The following KMT2C variants were observed in gnomAD, a reference collection of about 807,000 sequenced individuals.
The protein encoded by KMT2C is histone-lysine N-methyltransferase 2C.
KMT2C carries 88 observed loss-of-function variants against 507.9 expected under a neutral mutation model. That is an observed-to-expected ratio of 0.17 (90% CI 0.15 to 0.21). The LOEUF (loss-of-function observed/expected upper bound fraction) is 0.21, where lower values mean the gene tolerates loss of function less well. Among genes scored for constraint, KMT2C ranks in the 10% least tolerant of loss-of-function variants. KMT2C has a pLI of 1.00. For synonymous variants in KMT2C, 2,049 were observed against 2,080.8 expected, an observed-to-expected ratio of 0.98 and a Z score of 0.42; for missense variants, 4,954 against 5,957.8, an observed-to-expected ratio of 0.83 and a Z score of 5.55.
At chr7:152,416,602 T>C (rs1362904836) in intron 1 of KMT2C, among the ~76,000 whole-genome samples, 1 of 150,652 alleles carries the variant, frequency 6.6e-6, no homozygotes, top group Non-Finnish European at 1.5e-5. Context: ...AGCGCGCCTG[T>C]AATCCCAGCT....
rs540311328 is a variant in KMT2C at position 152,367,151 on chromosome 7, C to T, written c.162-8476G>A. The T allele has an allele frequency of 7.2e-5, 95 of 1,317,044 alleles. No homozygotes were observed. The African/African-American group carries it at 1.4e-3, about 20-fold the overall frequency. The allele number at this position is 1,317,044 out of a possible 1,614,324, so 81.6% of individuals were successfully genotyped here. ...TCCTAGAAATCTAGCACTGGAGAAACGAGGAAAATTCTTCCAAGGATGGTC... is the reference window on the plus strand; with the variant it reads ...TCCTAGAAATCTAGCACTGGAGAAATGAGGAAAATTCTTCCAAGGATGGTC... On this transcript the variant is annotated intron_variant, in intron 1 of 58. Transcript: ENST00000262189.
chr7:152,139,626 G>C (rs867035179), intron 56 of KMT2C, 49 bp downstream of exon 56: 1 of 1,249,046 alleles, frequency 8.0e-7, no homozygotes, highest in Non-Finnish European at 1.2e-6. Flanking sequence ...ACGGAGAAAG[G>C]GAGAGGATGA....
intron 39 of KMT2C, among the ~76,000 whole-genome samples, chr7:152,173,908 ACCAT>A (rs2093075426): frequency 6.6e-6 from 1 of 152,228 alleles, no homozygotes; most frequent in Admixed American, 6.5e-5. Context: ...TTTTACATTT[ACCAT>A]CCTTGAGACT....
intron 2 of KMT2C, among the ~76,000 whole-genome samples, chr7:152,339,928 T>C (rs1233217484): frequency 2.6e-5 from 4 of 152,148 alleles, no homozygotes; most frequent in African/African-American, 9.7e-5. Flanking sequence ...AAGTAAACAC[T>C]GACATTCATT....
intron 1 of KMT2C, among the ~76,000 whole-genome samples, chr7:152,428,273 G>A (rs535088145): frequency 4.6e-5 from 7 of 152,006 alleles, no homozygotes; most frequent in South Asian, 4.2e-4. Context: ...CGCAAATACC[G>A]TTTTAGATTC....
intron 1 of KMT2C, among the ~76,000 whole-genome samples, chr7:152,380,194 T>C (rs900620464): frequency 3.3e-5 from 5 of 151,242 alleles, no homozygotes; most frequent in African/African-American, 7.3e-5. Flanking sequence ...ATCACACCAC[T>C]ACACTACTTC....
intron 3 of KMT2C, among the ~76,000 whole-genome samples, chr7:152,321,846 C>A (rs911144460): frequency 6.6e-6 from 1 of 151,826 alleles, no homozygotes; most frequent in Non-Finnish European, 1.5e-5. Flanking sequence ...GTCCATACTA[C>A]CCAAAGTGAT....
intron 7 of KMT2C, among the ~76,000 whole-genome samples, chr7:152,272,369 T>C (rs2095993030): frequency 6.6e-6 from 1 of 152,214 alleles, no homozygotes; most frequent in Admixed American, 6.5e-5. Context: ...AAAGTTTGCA[T>C]GTTGTTTGCT....
chr7:152,417,076 T>C (rs901662583), intron 1 of KMT2C, among the ~76,000 whole-genome samples: 9 of 150,700 alleles, frequency 6.0e-5, no homozygotes, highest in African/African-American at 1.9e-4. Flanking sequence ...AAAGAGTTTA[T>C]ATTTATCTCA....
At chr7:152,192,570 G>A in intron 31 of KMT2C, among the ~76,000 whole-genome samples, 1 of 151,442 alleles carries the variant, frequency 6.6e-6, no homozygotes, top group African/African-American at 2.4e-5. Context: ...AAAGCACATA[G>A]GAACAATTAA....
In KMT2C at chr7:152,148,312, C is replaced by T. The variant is rs779339485; in HGVS notation, c.13615G>A (p.Val4539Met). 1.6e-5 allele frequency: 26 copies of T among 1,614,116 alleles called. No individual in the cohort carries two copies. Among genetic ancestry groups the T allele is most frequent in the African/African-American group, 4.0e-5 (3 of 74,926 alleles). Residue 4539 changes from valine (V) to methionine (M), a missense_variant, in exon 52 of 59, where the codon GTG becomes ATG. Transcript: ENST00000262189. This position sits in a 1 kb window ranked among gnomAD's most constrained non-coding sequence, Gnocchi z 7.1. ...RDEVRQIASI[V>M]QRGERDHTFR... ...GTATGGTCCCGTTCTCCTCGTTGCA[C>T]GATGCTAGCAATCTGTCGCACCTCA...
chr7:152,201,676 T>G (rs1243796315), intron 26 of KMT2C, among the ~76,000 whole-genome samples: 2 of 144,834 alleles, frequency 1.4e-5, no homozygotes, highest in African/African-American at 5.1e-5. Flanking sequence ...TTTTTTTTCC[T>G]GACCAATTAA....
chr7:152,303,623 C>T (rs2096590664), intron 6 of KMT2C, among the ~76,000 whole-genome samples: 1 of 152,196 alleles, frequency 6.6e-6, no homozygotes, highest in Non-Finnish European at 1.5e-5. Flanking sequence ...TAGAAAAAGA[C>T]TCACATACAC....
chr7:152,275,598 T>G (rs73483008), intron 6 of KMT2C, among the ~76,000 whole-genome samples: 1 of 152,202 alleles, frequency 6.6e-6, no homozygotes. Flanking sequence ...ATAAATATTT[T>G]TCTTCATTGA....
At chr7:152,434,672 C>G (rs1343214491) in intron 1 of KMT2C, among the ~76,000 whole-genome samples, 1 of 152,170 alleles carries the variant, frequency 6.6e-6, no homozygotes, top group Non-Finnish European at 1.5e-5. Flanking sequence ...GCGAGAGCCA[C>G]AGAAGCCGAG....
At chr7:152,137,037 G>A in intron 58 of KMT2C, 113 bp from the exon 59 acceptor site, 1 of 782,338 alleles carries the variant, frequency 1.3e-6, no homozygotes, top group Non-Finnish European at 2.1e-6. Context: ...GTAAATTAAG[G>A]AAGACCTGAT....
In KMT2C at chr7:152,145,070, A is replaced by G. The variant is rs949513019; in HGVS notation, c.14174+83T>C. 5 of 1,518,514 alleles carry G rather than the reference A, an allele frequency of 3.3e-6. No homozygotes were observed. In the South Asian group the frequency reaches 5.0e-5, roughly 15 times the overall value. 94.1% of individuals were successfully genotyped at this position (1,518,514 alleles called of 1,614,324 possible). Reference sequence around the variant, plus strand: ...TACACAGCCAGACAGCAGGGTTTGTAAGCAGCAGACAAATCAAGCACAGGA... The same window carrying G: ...TACACAGCCAGACAGCAGGGTTTGTGAGCAGCAGACAAATCAAGCACAGGA... On this transcript the variant is annotated intron_variant, in intron 54 of 58. Coordinates refer to ENST00000262189, the MANE Select transcript of KMT2C (RefSeq NM_170606.3).
chr7:152,214,592 T>A (rs1342807842), intron 23 of KMT2C, among the ~76,000 whole-genome samples: 1 of 152,216 alleles, frequency 6.6e-6, no homozygotes, highest in African/African-American at 2.4e-5. Flanking sequence ...CTGATGACAA[T>A]GAGGACTTTA....
intron 22 of KMT2C, among the ~76,000 whole-genome samples, chr7:152,220,956 A>T (rs1377508996): frequency 6.6e-6 from 1 of 152,152 alleles, no homozygotes; most frequent in Non-Finnish European, 1.5e-5. Context: ...GCATGTTTTT[A>T]AAAAATGGTC....
Sources: allele counts gnomAD v4.1 joint callset (sites outside exome capture counted in the v4.1 genomes callset), GRCh38; gene constraint gnomAD v4.1.1; non-coding constraint Gnocchi (gnomAD v3.1); transcripts MANE v1.5; gene names NCBI Gene and HGNC (gene_info 2026-07-23, HGNC 2026-07-21).